The following THAP4 variants were observed in gnomAD, a reference collection of about 807,000 sequenced individuals.
The protein encoded by THAP4 is THAP domain containing 4.
A neutral mutation model predicts 48.1 loss-of-function variants in THAP4; 18 were observed. The ratio of observed to expected loss-of-function variants is 0.37; its 90% CI spans 0.26 to 0.56. The LOEUF is 0.56. Ranked by LOEUF, THAP4 falls within the 20% of genes least tolerant of loss-of-function variation. The pLI, the probability that THAP4 is intolerant of heterozygous loss-of-function variation, is 0.78. For synonymous variants in THAP4, 345 were observed against 324.9 expected (o/e 1.06, Z -0.66); for missense variants, 656 against 774.9 (o/e 0.85, Z 1.82).
intron 2 of THAP4, among the ~76,000 whole-genome samples, chr2:241,626,917 TAAACAGATTAGTGTA>T (rs1466890145): frequency 1.3e-5 from 2 of 152,238 alleles, no homozygotes; most frequent in Admixed American, 6.5e-5. Flanking sequence ...CATTACAAAT[TAAACAGATTAGTGTA>T]ATAAATCCAC....
At chr2:241,626,621 T>C (rs993250075) in intron 2 of THAP4, among the ~76,000 whole-genome samples, 1 of 151,834 alleles carries the variant, frequency 6.6e-6, no homozygotes, top group Non-Finnish European at 1.5e-5. Flanking sequence ...TGGAGTGCAG[T>C]GGCGTGATCT....
At chr2:241,608,853 G>A (rs943522179) in intron 2 of THAP4, among the ~76,000 whole-genome samples, 23 of 152,250 alleles carry the variant, frequency 1.5e-4, no homozygotes, top group Admixed American at 1.2e-3. Context: ...CCTGAGAAGT[G>A]TGCACAGACC....
intron 5 of THAP4, among the ~76,000 whole-genome samples, chr2:241,598,151 G>A (rs1407481895): frequency 6.6e-6 from 1 of 152,090 alleles, no homozygotes; most frequent in African/African-American, 2.4e-5. Context: ...CTCATGAAAC[G>A]GACACTTTTG....
chr2:241,621,413 G>A (rs1208892883), intron 2 of THAP4, among the ~76,000 whole-genome samples: 1 of 152,060 alleles, frequency 6.6e-6, no homozygotes, highest in Non-Finnish European at 1.5e-5. Context: ...GGAAAAAGTG[G>A]GTGATAGGCA....
chr2:241,613,670 G>A (rs1274600095), intron 2 of THAP4, among the ~76,000 whole-genome samples: 2 of 152,072 alleles, frequency 1.3e-5, no homozygotes, highest in South Asian at 2.1e-4. Context: ...TGGGAGGATC[G>A]CTTGGGCCTG....
chr2:241,601,881 C>A lies in THAP4; in HGVS notation c.1614+15G>T. Reference sequence around the variant, plus strand: ...ACAGAAGACAGGAGCGTGCTGGGAGCAGGGCTGGGCTCACCTGCTCTACGT... The same window carrying A: ...ACAGAAGACAGGAGCGTGCTGGGAGAAGGGCTGGGCTCACCTGCTCTACGT... On this transcript the variant is annotated intron_variant, in intron 5 of 5. Transcript: ENST00000407315. The surrounding 1 kb of genome is among the most constrained non-coding windows in gnomAD (Gnocchi z 4.0). 6.2e-7 allele frequency: 1 copy of A among 1,613,692 alleles called. No homozygotes were observed. The highest frequency in any genetic ancestry group is 1.1e-5 in the South Asian group (1 of 90,988).
At chr2:241,602,127 A>AT in intron 4 of THAP4, 128 bp from the exon 5 acceptor site, 1 of 814,582 alleles carries the variant, frequency 1.2e-6, no homozygotes, top group East Asian at 2.7e-5. Flanking sequence ...AAGCAACGAT[A>AT]TTTCTCCTCC....
rs756808989 is a variant in THAP4, at chr2:241,632,998, C to T, written c.1159G>A (p.Val387Met). ...RQRVSRSDSQVRKLQEKLDEL... is the reference protein window; with the variant it reads ...RQRVSRSDSQMRKLQEKLDEL... ...TCCAGCTTCTCCTGTAGCTTCCGCA[C>T]CTGGCTGTCGGAGCGGCTGACCCTC... Residue 387 changes from valine to methionine, a missense_variant, in exon 2 of 6, where the codon GTG (valine) becomes ATG (methionine). Transcript: ENST00000407315. 1.2e-6 allele frequency: 2 copies of T among 1,613,782 alleles called. No homozygotes were observed. Among genetic ancestry groups the T allele is most frequent in the Non-Finnish European group, 1.7e-6 (2 of 1,179,932 alleles).
chr2:241,629,044 A>G (rs991808940), intron 2 of THAP4, among the ~76,000 whole-genome samples: 2 of 152,100 alleles, frequency 1.3e-5, no homozygotes, highest in Non-Finnish European at 2.9e-5. Context: ...TCTAATAATC[A>G]TGGTTGCTTG....
chr2:241,615,216 G>A (rs984013021), intron 2 of THAP4, among the ~76,000 whole-genome samples: 5 of 152,162 alleles, frequency 3.3e-5, no homozygotes, highest in African/African-American at 1.2e-4. Flanking sequence ...TTGGAGGGGA[G>A]TGCAAAGGAG....
chr2:241,619,960 G>A (rs2067400234), intron 2 of THAP4, among the ~76,000 whole-genome samples: 1 of 112,384 alleles, frequency 8.9e-6, no homozygotes, highest in Admixed American at 8.6e-5. Context: ...TTGAGTGAGG[G>A]GTGAGGGGTG....
At chr2:241,598,874 T>C (rs907891757) in intron 5 of THAP4, among the ~76,000 whole-genome samples, 1 of 151,526 alleles carries the variant, frequency 6.6e-6, no homozygotes, top group Admixed American at 6.6e-5. Flanking sequence ...AGAAACTGAA[T>C]CTTCTTAACC....
chr2:241,621,296 C>T (rs901074371), intron 2 of THAP4, among the ~76,000 whole-genome samples: 3 of 152,068 alleles, frequency 2.0e-5, no homozygotes, highest in South Asian at 2.1e-4. Flanking sequence ...TGCAGTGAGC[C>T]GAGACTGTGC....
intron 5 of THAP4, among the ~76,000 whole-genome samples, chr2:241,588,019 A>AG (rs1402837905): frequency 2.8e-5 from 4 of 141,166 alleles, no homozygotes; most frequent in Non-Finnish European, 6.2e-5. Flanking sequence ...AGGAGAGAAA[A>AG]GAAGGAAGGA....
chr2:241,592,710 G>A (rs950738519), intron 5 of THAP4, among the ~76,000 whole-genome samples: 10 of 152,196 alleles, frequency 6.6e-5, no homozygotes, highest in African/African-American at 1.4e-4. Flanking sequence ...GTTCCAGCCC[G>A]CTCCTCCAGA....
intron 5 of THAP4, among the ~76,000 whole-genome samples, chr2:241,587,638 T>C (rs1473462037): frequency 6.6e-6 from 1 of 152,236 alleles, no homozygotes; most frequent in African/African-American, 2.4e-5. Flanking sequence ...GTATGTTGTC[T>C]GGGCCTTATA....
At chr2:241,637,285 G>A, upstream of THAP4, 1 of 1,115,824 alleles carries the variant, frequency 9.0e-7, no homozygotes, top group Non-Finnish European at 1.1e-6. Flanking sequence ...CCGTCGGCAG[G>A]CGGGCAGACG....
chr2:241,589,840 ACAG>A (rs944933755), intron 5 of THAP4, among the ~76,000 whole-genome samples: 19 of 152,208 alleles, frequency 1.2e-4, no homozygotes, highest in Non-Finnish European at 1.6e-4. Flanking sequence ...GGACCACCAC[ACAG>A]CAACAAGCAG....
chr2:241,610,426 G>T lies in THAP4; in HGVS notation c.1241-3953C>A, dbSNP rs2067254414. On this transcript the variant is annotated intron_variant, in intron 2 of 5. Coordinates refer to ENST00000407315, the MANE Select transcript of THAP4 (RefSeq NM_015963.6). The surrounding 1 kb of genome is among the most constrained non-coding windows in gnomAD (Gnocchi z 4.2). ...CGGCAGAGGAGTCAGGGCGGAGGCT[G>T]GGCGGCGCTGGGCGGTGGGGCGCGC... Among the ~76,000 whole-genome samples the T allele has an allele frequency of 6.6e-6, 1 of 152,190 alleles. No homozygotes were observed. Among genetic ancestry groups the T allele is most frequent in the South Asian group, 2.1e-4 (1 of 4,834 alleles).
Sources: allele counts gnomAD v4.1 joint callset (sites outside exome capture counted in the v4.1 genomes callset), GRCh38; gene constraint gnomAD v4.1.1; non-coding constraint Gnocchi (gnomAD v3.1); transcripts MANE v1.5; gene names NCBI Gene and HGNC (gene_info 2026-07-23, HGNC 2026-07-21).